Variants in NCKAP1L observed in about 807,000 individuals in gnomAD.
The protein encoded by NCKAP1L is nck-associated protein 1-like.
NCKAP1L carries 53 observed loss-of-function variants against 139.2 expected under a neutral mutation model. The observed-to-expected ratio is 0.38, with a 90% CI of 0.31 to 0.48. The LOEUF is 0.48. Ranked by LOEUF, NCKAP1L falls within the 20% of genes least tolerant of loss-of-function variation. The pLI, the probability that NCKAP1L is intolerant of heterozygous loss-of-function variation, is 0.98. For synonymous variants in NCKAP1L, 468 were observed against 499.7 expected, an observed-to-expected ratio of 0.94 and a Z score of 0.85; for missense variants, 1,151 against 1,381.9, an observed-to-expected ratio of 0.83 and a Z score of 2.65.
intron 21 of NCKAP1L, among the ~76,000 whole-genome samples, 179 bp downstream of exon 21, chr12:54,526,925 C>T (rs182108847): frequency 7.9e-5 from 12 of 152,342 alleles, no homozygotes; most frequent in Admixed American, 7.2e-4. Context: ...CCCTTCTGTC[C>T]ACCACGAAGT....
At chr12:54,508,618 A>G (rs1364365906) in intron 5 of NCKAP1L, 87 bp downstream of exon 5, 30 of 1,334,170 alleles carry the variant, frequency 2.2e-5, no homozygotes, top group Non-Finnish European at 3.0e-5. Context: ...AATTGATGCC[A>G]TGATTTCTTA....
At chr12:54,502,582 C>T (rs1018657044) in intron 3 of NCKAP1L, among the ~76,000 whole-genome samples, 3 of 152,046 alleles carry the variant, frequency 2.0e-5, no homozygotes, top group Admixed American at 1.3e-4. Context: ...CTTAAGCATA[C>T]ATTTGCTAAG....
chr12:54,517,656 A>G lies in NCKAP1L; in HGVS notation c.1205+14A>G. ...CTATGCTGACTCGTTAGTACTTGAC[A>G]TGGCTAAGAACCTTGTCCTTAGATG... is the stretch of plus-strand genomic sequence containing the variant. On this transcript the variant is annotated intron_variant, in intron 12 of 30. Transcript: ENST00000293373. 1 of 1,601,790 alleles carries G rather than the reference A, an allele frequency of 6.2e-7. No individual in the cohort carries two copies.
intron 26 of NCKAP1L, among the ~76,000 whole-genome samples, chr12:54,534,815 GAGA>G (rs1284815225): frequency 7.2e-5 from 11 of 152,262 alleles, no homozygotes; most frequent in Non-Finnish European, 1.3e-4. Context: ...GGAATATATA[GAGA>G]AGATGACAAT....
intron 20 of NCKAP1L, among the ~76,000 whole-genome samples, chr12:54,525,620 C>A (rs1446662270): frequency 6.6e-6 from 1 of 152,158 alleles, no homozygotes; most frequent in Non-Finnish European, 1.5e-5. Context: ...TCAGTGTTAA[C>A]TCTAAATTAG....
At chr12:54,507,937 C>T (rs779656639) in intron 4 of NCKAP1L, 28 bp downstream of exon 4, 95 of 1,607,568 alleles carry the variant, frequency 5.9e-5, no homozygotes, top group African/African-American at 3.1e-4. Context: ...TCTCTTCTAT[C>T]GTAGAGTCAA....
At chr12:54,528,616 C>A (rs1957044677) in intron 22 of NCKAP1L, among the ~76,000 whole-genome samples, 1 of 151,442 alleles carries the variant, frequency 6.6e-6, no homozygotes, top group South Asian at 2.1e-4. Flanking sequence ...ATGGCATCTT[C>A]TTCTTCTTCT....
chr12:54,542,076 C>T (rs572920610), intron 30 of NCKAP1L, among the ~76,000 whole-genome samples: 2 of 152,078 alleles, frequency 1.3e-5, no homozygotes, highest in East Asian at 1.9e-4. Flanking sequence ...CTCCTTTATG[C>T]GGCATCCTTA....
intron 22 of NCKAP1L, 102 bp from the exon 23 acceptor site, chr12:54,531,158 T>C: frequency 1.0e-6 from 1 of 977,606 alleles, no homozygotes; most frequent in Non-Finnish European, 1.6e-6. Flanking sequence ...TTTTCTTTTC[T>C]TGCTGGAAAA....
At chr12:54,519,615 G>T (rs928341847) in intron 16 of NCKAP1L, among the ~76,000 whole-genome samples, 6 of 151,986 alleles carry the variant, frequency 3.9e-5, no homozygotes, top group Admixed American at 3.3e-4. Context: ...GGCCTCTGCG[G>T]AGGACTGTCA....
rs1435666002 is a variant in NCKAP1L, at chr12:54,528,133, C to T, written c.2376-114C>T. 7 of 1,297,332 alleles carry T rather than the reference C, an allele frequency of 5.4e-6. No homozygotes were observed. In the East Asian group the frequency reaches 1.4e-4, roughly 27 times the overall value. 80.4% of individuals were successfully genotyped at this position (1,297,332 alleles called of 1,614,324 possible). A position where few individuals can be genotyped will look rare whatever the true frequency, so the allele number is the denominator to read the frequency against. On this transcript the variant is annotated intron_variant, in intron 21 of 30. Coordinates refer to ENST00000293373, the MANE Select transcript of NCKAP1L (RefSeq NM_005337.5). ...TGCCATCTTCTTTGAGTTTCTTCTC[C>T]CTACCCCAGTCTTTTGCAGAGTTTT... is the stretch of plus-strand genomic sequence containing the variant.
intron 29 of NCKAP1L, 68 bp downstream of exon 29, chr12:54,537,121 T>A: frequency 9.3e-7 from 1 of 1,075,878 alleles, no homozygotes; most frequent in East Asian, 2.4e-5. Flanking sequence ...CTTAAATCTG[T>A]AGACAATTAT....
intron 10 of NCKAP1L, among the ~76,000 whole-genome samples, chr12:54,516,583 T>C (rs1379716836): frequency 6.6e-6 from 1 of 151,944 alleles, no homozygotes; most frequent in Non-Finnish European, 1.5e-5. Context: ...GTAGCTGGGA[T>C]TACAGGCACC....
chr12:54,505,667 C>CT (rs60187117), intron 3 of NCKAP1L, among the ~76,000 whole-genome samples: 128,092 of 144,690 alleles, frequency 0.89, 56,789 homozygotes, highest in East Asian at 0.99. Context: ...CCCGTCCTCC[C>CT]TTTTTTTTTT....
intron 3 of NCKAP1L, among the ~76,000 whole-genome samples, chr12:54,505,887 C>G (rs1956836142): frequency 6.6e-6 from 1 of 152,168 alleles, no homozygotes; most frequent in Non-Finnish European, 1.5e-5. Flanking sequence ...GTCTCGAACT[C>G]CCGACCTCAG....
chr12:54,499,329 G>A, intron 1 of NCKAP1L, 26 bp from the exon 2 acceptor site: 1 of 1,265,576 alleles, frequency 7.9e-7, no homozygotes, highest in Middle Eastern at 1.9e-4. Flanking sequence ...AGAAAGGGTT[G>A]AAATATATAT....
intron 9 of NCKAP1L, among the ~76,000 whole-genome samples, chr12:54,514,425 G>A (rs112193874): frequency 7.2e-5 from 11 of 151,924 alleles, no homozygotes; most frequent in East Asian, 1.9e-4. Flanking sequence ...GGGTTCAAGC[G>A]CTTCTCCTGT....
At chr12:54,511,447 C>G (rs1199607861) in intron 7 of NCKAP1L, among the ~76,000 whole-genome samples, 2 of 152,328 alleles carry the variant, frequency 1.3e-5, no homozygotes, top group Non-Finnish European at 2.9e-5. Context: ...TGCTCTGTTG[C>G]CTAGGCTGGA....
chr12:54,523,571 GTACTGCA>G, intron 19 of NCKAP1L, 32 bp downstream of exon 19: 1 of 1,584,194 alleles, frequency 6.3e-7, no homozygotes, highest in South Asian at 1.2e-5. Flanking sequence ...GGCCAGCTGG[GTACTGCA>G]TCAAAGAAGG....
Sources: allele counts gnomAD v4.1 joint callset (sites outside exome capture counted in the v4.1 genomes callset), GRCh38; gene constraint gnomAD v4.1.1; transcripts MANE v1.5; gene names NCBI Gene and HGNC (gene_info 2026-07-23, HGNC 2026-07-21).